Variants in CNTN5 observed in about 807,000 individuals in gnomAD.
CNTN5 encodes the protein contactin 5.
In CNTN5, 77 loss-of-function variants were observed where a neutral mutation model predicts 129.1. The ratio of observed to expected loss-of-function variants is 0.60; its 90% confidence interval spans 0.50 to 0.72. CNTN5 has a LOEUF of 0.72. Ranked by LOEUF, CNTN5 falls within the 30% of genes least tolerant of loss-of-function variation. CNTN5 has a pLI of 0.00. For missense variants in CNTN5, 1,478 were observed against 1,328.8 expected, an observed-to-expected ratio of 1.11 and a Z score of -1.75; for synonymous variants, 509 against 465.6, an observed-to-expected ratio of 1.09 and a Z score of -1.20.
chr11:99,901,905 A>C (rs937590510), intron 6 of CNTN5, among the ~76,000 whole-genome samples: 13 of 152,200 alleles, frequency 8.5e-5, no homozygotes, highest in South Asian at 2.1e-4. Flanking sequence ...GTTTTTGGAT[A>C]AAATGCAAGC....
At chr11:99,848,023 G>A (rs1947755630) in intron 6 of CNTN5, among the ~76,000 whole-genome samples, 1 of 151,962 alleles carries the variant, frequency 6.6e-6, no homozygotes, top group African/African-American at 2.4e-5. Flanking sequence ...CCATCCTGGC[G>A]AACACGGTGA....
At chr11:99,580,898 T>C (rs1446344251) in intron 3 of CNTN5, among the ~76,000 whole-genome samples, 3 of 143,938 alleles carry the variant, frequency 2.1e-5, no homozygotes, top group Non-Finnish European at 3.0e-5. Context: ...TGCTCTTGCT[T>C]CTCTAGTTCT....
chr11:99,730,430 T>C (rs552035800), intron 3 of CNTN5, among the ~76,000 whole-genome samples: 12 of 152,348 alleles, frequency 7.9e-5, no homozygotes, highest in African/African-American at 2.6e-4. Context: ...CAAGACTATA[T>C]TGGATGAAAA....
At chr11:100,045,003 A>C (rs1273015831) in intron 9 of CNTN5, among the ~76,000 whole-genome samples, 2 of 151,928 alleles carry the variant, frequency 1.3e-5, no homozygotes, top group Non-Finnish European at 2.9e-5. Flanking sequence ...CTTTTTTCTC[A>C]GGCCATCAAA....
At chr11:99,939,417 G>C (rs1950385156) in intron 7 of CNTN5, among the ~76,000 whole-genome samples, 1 of 152,014 alleles carries the variant, frequency 6.6e-6, no homozygotes, top group African/African-American at 2.4e-5. Context: ...GTAAAAAGAA[G>C]TCAGTTTAAT....
At chr11:99,901,921 C>A (rs1435141520) in intron 6 of CNTN5, among the ~76,000 whole-genome samples, 1 of 152,106 alleles carries the variant, frequency 6.6e-6, no homozygotes, top group Non-Finnish European at 1.5e-5. Context: ...CAAGCGTTAT[C>A]CCCTGACAAT....
At chr11:99,881,883 A>G (rs1423495426) in intron 6 of CNTN5, among the ~76,000 whole-genome samples, 1 of 152,240 alleles carries the variant, frequency 6.6e-6, no homozygotes, top group African/African-American at 2.4e-5. Context: ...CTTCCAAGTA[A>G]GTTACTCCTA....
intron 13 of CNTN5, among the ~76,000 whole-genome samples, chr11:100,079,326 G>A (rs1049210214): frequency 1.8e-4 from 28 of 152,144 alleles, no homozygotes; most frequent in African/African-American, 6.0e-4. Flanking sequence ...CAGTCATTAA[G>A]GAAAAGAATA....
chr11:99,573,456 G>T (rs1175443694), intron 3 of CNTN5, among the ~76,000 whole-genome samples: 3 of 151,946 alleles, frequency 2.0e-5, no homozygotes, highest in African/African-American at 7.2e-5. Flanking sequence ...TGTAGTCCCA[G>T]CTATTCGGGA....
chr11:99,520,005 G>T (rs534915654), intron 2 of CNTN5, among the ~76,000 whole-genome samples: 1 of 151,936 alleles, frequency 6.6e-6, no homozygotes. Context: ...TGCCATTTTT[G>T]TGGCAACCTT....
In CNTN5 at chr11:99,640,791, A is replaced by G. The variant is rs371101510; in HGVS notation, c.55+84522A>G. Among the ~76,000 whole-genome samples the G allele has an allele frequency of 2.6e-5, 4 of 152,196 alleles. No homozygotes were observed. The East Asian group carries it at 7.7e-4, about 29-fold the overall frequency. ...TGTAAGTATACTCTGATATTTGCAC[A>G]ATAAAATTGCCTGACAGCACATTTC... On this transcript the variant is annotated intron_variant, in intron 3 of 24. Coordinates refer to ENST00000524871, the MANE Select transcript of CNTN5 (RefSeq NM_014361.4).
intron 2 of CNTN5, among the ~76,000 whole-genome samples, chr11:99,343,975 C>G (rs1386003820): frequency 5.3e-5 from 8 of 152,024 alleles, no homozygotes; most frequent in Admixed American, 5.2e-4. Flanking sequence ...AAATGATAAA[C>G]CTAAAAAATA....
intron 13 of CNTN5, among the ~76,000 whole-genome samples, chr11:100,153,201 G>C (rs1565292536): frequency 6.6e-6 from 1 of 152,022 alleles, no homozygotes; most frequent in East Asian, 1.9e-4. Context: ...TTATAATGTT[G>C]CTACTTTTTG....
chr11:99,625,516 T>G (rs188110868), intron 3 of CNTN5, among the ~76,000 whole-genome samples: 23 of 152,284 alleles, frequency 1.5e-4, no homozygotes, highest in African/African-American at 4.8e-4. Context: ...AAAAAGGAAA[T>G]GTCAATTTTC....
intron 13 of CNTN5, among the ~76,000 whole-genome samples, chr11:100,115,907 T>C (rs1041107719): frequency 1.3e-5 from 2 of 152,046 alleles, no homozygotes; most frequent in African/African-American, 4.8e-5. Context: ...AAGAATCTGG[T>C]TCTACATTCA....
intron 1 of CNTN5, among the ~76,000 whole-genome samples, chr11:99,261,196 A>G (rs772315926): frequency 3.2e-5 from 4 of 125,376 alleles, no homozygotes; most frequent in Non-Finnish European, 5.1e-5. Flanking sequence ...GTCACATACC[A>G]TAAGTCCCAT....
intron 6 of CNTN5, among the ~76,000 whole-genome samples, chr11:99,851,385 C>T (rs1012564198): frequency 5.3e-5 from 8 of 152,048 alleles, no homozygotes; most frequent in Non-Finnish European, 8.8e-5. Context: ...TATTTTATTC[C>T]TGAAGCTTAT....
chr11:100,113,281 T>A (rs888600), intron 13 of CNTN5, among the ~76,000 whole-genome samples: 120,409 of 151,192 alleles, frequency 0.8, 48,740 homozygotes, highest in East Asian at 1. Context: ...ATTTACATTT[T>A]AAGAGCAAAA....
intron 2 of CNTN5, among the ~76,000 whole-genome samples, chr11:99,337,573 G>A (rs560700758): frequency 2.0e-5 from 3 of 152,230 alleles, no homozygotes; most frequent in African/African-American, 4.8e-5. Flanking sequence ...TGCCCTGGAC[G>A]GACCAGGTGT....
Sources: allele counts gnomAD v4.1 joint callset (sites outside exome capture counted in the v4.1 genomes callset), GRCh38; gene constraint gnomAD v4.1.1; transcripts MANE v1.5; gene names NCBI Gene and HGNC (gene_info 2026-07-23, HGNC 2026-07-21).